Variants in CPXM2 observed in about 807,000 individuals in gnomAD.
CPXM2 encodes the protein carboxypeptidase X, M14 family member 2, also known as inactive carboxypeptidase-like protein X2.
CPXM2 carries 66 observed loss-of-function variants against 86.1 expected under a neutral mutation model. The observed-to-expected ratio is 0.77, with a 90% CI of 0.63 to 0.94. The LOEUF (loss-of-function observed/expected upper bound fraction) is 0.94, where lower values mean the gene tolerates loss of function less well. CPXM2 is among the 40% of genes least tolerant of loss of function. CPXM2 has a pLI of 0.00. For missense variants in CPXM2, 948 were observed against 1,026.3 expected (o/e 0.92, Z 1.04); for synonymous variants, 388 against 400.2 (o/e 0.97, Z 0.36).
intron 2 of CPXM2, among the ~76,000 whole-genome samples, chr10:123,912,115 C>G (rs1186502709): frequency 6.6e-6 from 1 of 152,076 alleles, no homozygotes; most frequent in South Asian, 2.1e-4. Flanking sequence ...TGCATTCCCT[C>G]TCCCCACTCC....
chr10:123,815,548 A>G (rs1415472004), intron 4 of CPXM2, among the ~76,000 whole-genome samples: 2 of 152,158 alleles, frequency 1.3e-5, no homozygotes, highest in East Asian at 1.9e-4. Flanking sequence ...CATACCCAGT[A>G]GTGGCAACAT....
intron 4 of CPXM2, among the ~76,000 whole-genome samples, chr10:123,829,623 C>A (rs576439781): frequency 2.0e-4 from 31 of 152,164 alleles, no homozygotes; most frequent in African/African-American, 7.2e-4. Flanking sequence ...AGGCAATCCC[C>A]TAAAAGATCA....
chr10:123,896,784 G>T (rs527506444), upstream of CPXM2, among the ~76,000 whole-genome samples: 2 of 152,324 alleles, frequency 1.3e-5, no homozygotes, highest in East Asian at 3.9e-4. Flanking sequence ...GGAGCCTGCT[G>T]AGCGGCCTTG....
chr10:123,847,549 A>G (rs571647882), intron 3 of CPXM2, among the ~76,000 whole-genome samples: 1 of 152,152 alleles, frequency 6.6e-6, no homozygotes, highest in South Asian at 2.1e-4. Context: ...AAAGAATTGA[A>G]GATTTCAATT....
chr10:123,750,726 G>C (rs992251449), intron 13 of CPXM2: 14 of 985,248 alleles, frequency 1.4e-5, no homozygotes, highest in Non-Finnish European at 1.6e-5. Context: ...TGAATACAAC[G>C]ATCAGGACTG....
intron 6 of CPXM2, among the ~76,000 whole-genome samples, chr10:123,781,239 C>T (rs1405133464): frequency 3.9e-5 from 6 of 152,146 alleles, no homozygotes; most frequent in Non-Finnish European, 8.8e-5. Flanking sequence ...GACTGGGATT[C>T]GGGGGGTCAG....
At chr10:123,767,591 T>C (rs1332530758) in intron 9 of CPXM2, among the ~76,000 whole-genome samples, 1 of 152,228 alleles carries the variant, frequency 6.6e-6, no homozygotes, top group Middle Eastern at 3.2e-3. Context: ...CCAATAAATG[T>C]GACCACATTT....
Position 123,891,769 on chromosome 10 carries a change from G to A in CPXM2, c.-110C>T. Reference sequence around the variant, plus strand: ...AGGGCGCAGGGCACAGCAGAGCGGCGCGCTTGGGCGCGGGAGGCGGCCGGC... The same window carrying A: ...AGGGCGCAGGGCACAGCAGAGCGGCACGCTTGGGCGCGGGAGGCGGCCGGC... On this transcript the variant is annotated 5_prime_UTR_variant, in exon 1 of 14. Coordinates refer to ENST00000241305, the MANE Select transcript of CPXM2 (RefSeq NM_198148.3). This position sits in a 1 kb window ranked among gnomAD's most constrained non-coding sequence, Gnocchi z 5.6. 17 of 749,640 alleles carry A rather than the reference G, an allele frequency of 2.3e-5. No individual in the cohort carries two copies. The highest frequency in any genetic ancestry group is 2.7e-5 in the Non-Finnish European group (15 of 563,836). The allele number at this position is 749,640 out of a possible 1,614,324, so 46.4% of individuals were successfully genotyped here.
intron 4 of CPXM2, among the ~76,000 whole-genome samples, chr10:123,840,886 T>A (rs1205518223): frequency 6.6e-6 from 1 of 152,262 alleles, no homozygotes; most frequent in Non-Finnish European, 1.5e-5. Context: ...CTTTATTTAT[T>A]AATGTCGACC....
Position 123,767,244 on chromosome 10 carries a change from G to T in CPXM2, c.1300-92C>A, listed in dbSNP as rs554310745. The T allele has an allele frequency of 7.0e-5, 83 of 1,194,004 alleles. 2 individuals carry two copies. The South Asian group carries it at 1.0e-3, about 15-fold the overall frequency. The allele number at this position is 1,194,004 out of a possible 1,614,324, so 74.0% of individuals were successfully genotyped here. ...GATGCATCTGTCTCCACTTCCCCTT[G>T]GGGAATGTCTCTAAGCCTCTAGATG... On this transcript the variant is annotated intron_variant, in intron 9 of 13. Transcript: ENST00000241305.
intron 4 of CPXM2, among the ~76,000 whole-genome samples, chr10:123,816,248 G>A (rs150089404): frequency 1.6e-4 from 24 of 152,284 alleles, no homozygotes; most frequent in African/African-American, 5.1e-4. Flanking sequence ...GATTCATCCT[G>A]TGGTCACTTC....
chr10:123,761,937 T>TGGCACACCCTCCTCCGGGC lies in CPXM2; in HGVS notation c.1693_1711dup (p.His571ArgfsTer50). On this transcript the variant is annotated frameshift_variant, in exon 11 of 14. Transcript: ENST00000241305. LOFTEE classifies it high-confidence loss of function. ...CTCCTCCTTCTGGAAGTCCTCCGTG[T>TGGCACACCCTCCTCCGGGC]GGCACACCCTCCTCCGGGCGTCTGT... The TGGCACACCCTCCTCCGGGC allele has an allele frequency of 6.2e-7, 1 of 1,613,788 alleles. No individual in the cohort carries two copies. The highest frequency in any genetic ancestry group is 8.5e-7 in the Non-Finnish European group (1 of 1,179,876).
At chr10:123,792,768 G>A (rs528850490) in intron 6 of CPXM2, among the ~76,000 whole-genome samples, 9 of 152,264 alleles carry the variant, frequency 5.9e-5, no homozygotes, top group South Asian at 4.1e-4. Context: ...CAATACTTAC[G>A]CATACAAATC....
chr10:123,793,942 T>C (rs1189099996), intron 6 of CPXM2, among the ~76,000 whole-genome samples: 1 of 152,194 alleles, frequency 6.6e-6, no homozygotes, highest in African/African-American at 2.4e-5. Context: ...ATCTCCATGA[T>C]GGGTGGGGTG....
intron 2 of CPXM2, among the ~76,000 whole-genome samples, chr10:123,931,244 A>G (rs1449105083): frequency 6.6e-6 from 1 of 151,246 alleles, no homozygotes; most frequent in African/African-American, 2.5e-5. Flanking sequence ...GCCGAACCCC[A>G]GTAAAAAAAA....
intron 4 of CPXM2, among the ~76,000 whole-genome samples, chr10:123,822,678 T>A (rs1847953250): frequency 6.6e-6 from 1 of 150,930 alleles, no homozygotes; most frequent in African/African-American, 2.4e-5. Context: ...CAAGAGAATA[T>A]GCAAATAATA....
At chr10:123,922,524 T>C (rs750583473) in intron 2 of CPXM2, among the ~76,000 whole-genome samples, 2 of 152,260 alleles carry the variant, frequency 1.3e-5, no homozygotes, top group Non-Finnish European at 2.9e-5. Flanking sequence ...GCTGGATTTT[T>C]TGTGATCCTC....
At chr10:123,888,913 T>C (rs1945221430) in intron 1 of CPXM2, among the ~76,000 whole-genome samples, 1 of 152,136 alleles carries the variant, frequency 6.6e-6, no homozygotes, top group Admixed American at 6.5e-5. Flanking sequence ...GGCTTGGAGA[T>C]CCCGGTGGAT....
chr10:123,796,170 C>T (rs974043234), intron 6 of CPXM2, among the ~76,000 whole-genome samples: 1 of 152,340 alleles, frequency 6.6e-6, no homozygotes, highest in African/African-American at 2.4e-5. Flanking sequence ...CCCACATCCA[C>T]GATCAGGCCT....
Sources: allele counts gnomAD v4.1 joint callset (sites outside exome capture counted in the v4.1 genomes callset), GRCh38; gene constraint gnomAD v4.1.1; non-coding constraint Gnocchi (gnomAD v3.1); transcripts MANE v1.5; gene names NCBI Gene and HGNC (gene_info 2026-07-23, HGNC 2026-07-21).